PTPRN2: variants seen among roughly 807,000 people sequenced by gnomAD.
PTPRN2 encodes the protein receptor-type tyrosine-protein phosphatase N2.
Under a neutral mutation model 118.8 loss-of-function variants are expected in PTPRN2, and 74 were observed. The ratio of observed to expected loss-of-function variants is 0.62; its 90% CI spans 0.52 to 0.76. The LOEUF (loss-of-function observed/expected upper bound fraction) is 0.76. PTPRN2 is among the 30% of genes least tolerant of loss of function. The probability of loss-of-function intolerance (pLI) is 0.00; values close to 1 mark genes in which losing one functional copy is unlikely to be tolerated. For synonymous variants in PTPRN2, 641 were observed against 608.0 expected, an observed-to-expected ratio of 1.05 and a Z score of -0.80; for missense variants, 1,481 against 1,394.4, an observed-to-expected ratio of 1.06 and a Z score of -0.99.
intron 11 of PTPRN2, among the ~76,000 whole-genome samples, chr7:157,984,264 TCCACCCCCCACGCCAGGCTC>T (rs1803553484): frequency 2.9e-5 from 1 of 34,802 alleles, no homozygotes; most frequent in African/African-American, 1.1e-4. Flanking sequence ...CACGCCAGGC[TCCACCCCCCACGCCAGGCTC>T]CACCCCATCC....
chr7:157,956,099 T>C (rs906244741), intron 11 of PTPRN2, among the ~76,000 whole-genome samples: 7 of 152,220 alleles, frequency 4.6e-5, no homozygotes, highest in Non-Finnish European at 1.0e-4. Flanking sequence ...TTATTCTTCC[T>C]ACGTGCTGGC....
intron 11 of PTPRN2, among the ~76,000 whole-genome samples, chr7:158,078,011 C>T (rs1217350447): frequency 6.6e-6 from 1 of 152,046 alleles, no homozygotes; most frequent in Non-Finnish European, 1.5e-5. Flanking sequence ...TTCACTAATA[C>T]CCTGTGCTCA....
At chr7:157,792,460 G>C (rs2151078623) in intron 12 of PTPRN2, among the ~76,000 whole-genome samples, 1 of 152,324 alleles carries the variant, frequency 6.6e-6, no homozygotes, top group Non-Finnish European at 1.5e-5. Flanking sequence ...GCTCAGCCGA[G>C]GTCTCCGCGT....
chr7:157,569,650 A>T (rs1799663262), intron 20 of PTPRN2, among the ~76,000 whole-genome samples: 1 of 152,194 alleles, frequency 6.6e-6, no homozygotes, highest in Non-Finnish European at 1.5e-5. Flanking sequence ...AGGAAAAAAA[A>T]TTTCCCTTTT....
At chr7:158,162,453 C>T (rs1024958047) in intron 6 of PTPRN2, among the ~76,000 whole-genome samples, 2 of 152,098 alleles carry the variant, frequency 1.3e-5, no homozygotes, top group Non-Finnish European at 2.9e-5. Context: ...GCCATCGAGC[C>T]ATGAAAAGAT....
At chr7:157,689,478 C>A (rs1797364132) in intron 12 of PTPRN2, among the ~76,000 whole-genome samples, 1 of 152,206 alleles carries the variant, frequency 6.6e-6, no homozygotes. Context: ...GCCCGCAGCG[C>A]CCAGCTCAGC....
At chr7:157,594,877 T>C (rs954352640) in intron 17 of PTPRN2, among the ~76,000 whole-genome samples, 1 of 152,194 alleles carries the variant, frequency 6.6e-6, no homozygotes, top group African/African-American at 2.4e-5. Context: ...ACAGAGGATG[T>C]ACTTGGGTCC....
At chr7:157,847,463 CCA>C (rs1808926048) in intron 12 of PTPRN2, among the ~76,000 whole-genome samples, 1 of 149,088 alleles carries the variant, frequency 6.7e-6, no homozygotes, top group South Asian at 2.2e-4. Context: ...CTCTCTCACT[CCA>C]TCATGCGTGC....
In PTPRN2 at chr7:158,565,963, T is replaced by C. The variant is rs1827643669; in HGVS notation, c.112+21595A>G. Among the ~76,000 whole-genome samples the C allele has an allele frequency of 6.6e-6, 1 of 152,216 alleles. No individual in the cohort carries two copies. The highest frequency in any genetic ancestry group is 2.4e-5 in the African/African-American group (1 of 41,454). ...CCTATATTTTCCTTTGTGTCAGCCA[T>C]TTCTCTCCCTTTAAAAATCTCTCCC... On this transcript the variant is annotated intron_variant, in intron 1 of 22. Coordinates refer to ENST00000389418, the MANE Select transcript of PTPRN2 (RefSeq NM_002847.5). This position sits in a 1 kb window ranked among gnomAD's most constrained non-coding sequence, Gnocchi z 4.6.
intron 12 of PTPRN2, among the ~76,000 whole-genome samples, chr7:157,691,762 T>C (rs1797510656): frequency 6.6e-6 from 1 of 152,130 alleles, no homozygotes; most frequent in African/African-American, 2.4e-5. Flanking sequence ...CTCCCAGTCG[T>C]TCGAGCCTGC....
chr7:157,724,573 A>C (rs538907706), intron 12 of PTPRN2, among the ~76,000 whole-genome samples: 1 of 152,302 alleles, frequency 6.6e-6, no homozygotes, highest in Admixed American at 6.5e-5. Flanking sequence ...GACGTACTGG[A>C]TCCATATAAC....
chr7:157,858,169 A>C (rs868716561), intron 12 of PTPRN2, among the ~76,000 whole-genome samples: 1 of 34,908 alleles, frequency 2.9e-5, no homozygotes, highest in African/African-American at 1.5e-4. Flanking sequence ...ACACTCCTGC[A>C]GGGAGAGCCT....
rs998617824 is a variant in PTPRN2 at position 158,071,742 on chromosome 7, G to A, written c.1723+9556C>T. 5.4e-4 allele frequency among the ~76,000 whole-genome samples: 64 copies of A among 119,030 alleles called. 2 individuals are homozygous for A. The highest frequency in any genetic ancestry group is 3.8e-3 in the East Asian group (12 of 3,180). The allele number at this position is 119,030 out of a possible 152,430, so 78.1% of individuals were successfully genotyped here. ...GGTGGAGGTGCTCGTGGTGGTGGAGGTGCTCATGGTGGAGGTGCTCGTGGT... is the reference window on the plus strand; with the variant it reads ...GGTGGAGGTGCTCGTGGTGGTGGAGATGCTCATGGTGGAGGTGCTCGTGGT... On this transcript the variant is annotated intron_variant, in intron 11 of 22. Transcript: ENST00000389418.
At chr7:158,521,466 C>T (rs1027481377) in intron 1 of PTPRN2, among the ~76,000 whole-genome samples, 4 of 152,258 alleles carry the variant, frequency 2.6e-5, no homozygotes, top group Non-Finnish European at 4.4e-5. Context: ...GATGCTGAAG[C>T]AGTAACTCCA....
At position 158,118,407 on chromosome 7, in the gene PTPRN2, A is replaced by G. The variant is rs573999866; in HGVS notation, c.1557-7492T>C. Among the ~76,000 whole-genome samples, 4 of 152,352 alleles carry G rather than the reference A, an allele frequency of 2.6e-5. 1 individual carries two copies. Among genetic ancestry groups the G allele is most frequent in the African/African-American group, 9.6e-5 (4 of 41,596 alleles). ...AGAAAATAGCTACATAATACGTACA[A>G]AAAGAAGAAAGGAATTTAGGCATTT... On this transcript the variant is annotated intron_variant, in intron 9 of 22. Transcript: ENST00000389418.
chr7:157,873,253 C>T (rs1386539576), intron 12 of PTPRN2, among the ~76,000 whole-genome samples: 1 of 152,238 alleles, frequency 6.6e-6, no homozygotes, highest in African/African-American at 2.4e-5. Context: ...CCAGCGAGTG[C>T]TGAGCAAGTA....
chr7:158,403,020 G>C (rs1443602743), intron 2 of PTPRN2, among the ~76,000 whole-genome samples: 1 of 152,208 alleles, frequency 6.6e-6, no homozygotes, highest in Non-Finnish European at 1.5e-5. Context: ...ACCAAACACA[G>C]CTCCGTTTGC....
At chr7:158,435,224 G>T (rs183252721) in intron 2 of PTPRN2, among the ~76,000 whole-genome samples, 1 of 152,282 alleles carries the variant, frequency 6.6e-6, no homozygotes, top group Non-Finnish European at 1.5e-5. Flanking sequence ...TGTCCAAAAT[G>T]TATAAGGAAC....
At chr7:157,650,290 A>G (rs1367832242) in intron 14 of PTPRN2, among the ~76,000 whole-genome samples, 1 of 152,238 alleles carries the variant, frequency 6.6e-6, no homozygotes, top group Non-Finnish European at 1.5e-5. Flanking sequence ...AGGGCAGGGC[A>G]CACCCCCACC....
Sources: allele counts gnomAD v4.1 joint callset (sites outside exome capture counted in the v4.1 genomes callset), GRCh38; gene constraint gnomAD v4.1.1; non-coding constraint Gnocchi (gnomAD v3.1); transcripts MANE v1.5; gene names NCBI Gene and HGNC (gene_info 2026-07-23, HGNC 2026-07-21).